CYP7B1: variants seen among roughly 807,000 people sequenced by gnomAD.
The protein encoded by CYP7B1 is cytochrome P450 7B1.
In CYP7B1, 29 loss-of-function variants were observed where a neutral mutation model predicts 42.7. That is an observed-to-expected ratio of 0.68 (90% CI 0.51 to 0.93). The LOEUF is 0.93. CYP7B1 is among the 40% of genes least tolerant of loss of function. The pLI, the probability that CYP7B1 is intolerant of heterozygous loss-of-function variation, is 0.00. For synonymous variants in CYP7B1, 235 were observed against 218.2 expected (o/e 1.08, Z -0.68); for missense variants, 655 against 600.5 (o/e 1.09, Z -0.95).
At position 64,593,235 on chromosome 8, in the gene CYP7B1, GTGTGTGTGTGTGTGTGTGTGTGT is replaced by G. The variant is rs1805064660; in HGVS notation, c.*3384_*3406del. The stretch of plus-strand genomic sequence containing the variant: ...TGGACTAAAGGCTAGGGCCCAGGGT[GTGTGTGTGTGTGTGTGTGTGTGT>G]GTGTGTGTGTGTGTGTGTGTGTGTG... On this transcript the variant is annotated 3_prime_UTR_variant, in exon 6 of 6. Coordinates refer to ENST00000310193, the MANE Select transcript of CYP7B1 (RefSeq NM_004820.5). Among the ~76,000 whole-genome samples, 2 of 51,666 alleles carry G rather than the reference GTGTGTGTGTGTGTGTGTGTGTGT, an allele frequency of 3.9e-5. No individual in the cohort carries two copies. Among genetic ancestry groups the G allele is most frequent in the Admixed American group, 4.2e-4 (2 of 4,718 alleles). 33.9% of individuals were successfully genotyped at this position (51,666 alleles called of 152,430 possible).
intron 1 of CYP7B1, among the ~76,000 whole-genome samples, chr8:64,634,783 C>T (rs1289203142): frequency 6.6e-6 from 1 of 151,980 alleles, no homozygotes; most frequent in African/African-American, 2.4e-5. Context: ...TGAGGACAAG[C>T]AGAACCTACC....
rs57590025 is a variant in CYP7B1 at position 64,593,232 on chromosome 8, G to GGTGTGT, written c.*3404_*3409dup. 6.5e-3 allele frequency among the ~76,000 whole-genome samples: 799 copies of GGTGTGT among 123,408 alleles called. 4 individuals carry two copies. Among genetic ancestry groups the GGTGTGT allele is most frequent in the South Asian group, 9.5e-3 (34 of 3,568 alleles). The allele number at this position is 123,408 out of a possible 152,430, so 81.0% of individuals were successfully genotyped here. A position where few individuals can be genotyped will look rare whatever the true frequency, so the allele number is the denominator to read the frequency against. Reference sequence around the variant, plus strand: ...TGGTGGACTAAAGGCTAGGGCCCAGGGTGTGTGTGTGTGTGTGTGTGTGTG... The same window carrying GGTGTGT: ...TGGTGGACTAAAGGCTAGGGCCCAGGGTGTGTGTGTGTGTGTGTGTGTGTGTGTGTG... On this transcript the variant is annotated 3_prime_UTR_variant, in exon 6 of 6. Coordinates refer to ENST00000310193, the MANE Select transcript of CYP7B1 (RefSeq NM_004820.5).
chr8:64,786,924 A>T (rs1247166937), intron 1 of CYP7B1, among the ~76,000 whole-genome samples: 1 of 152,256 alleles, frequency 6.6e-6, no homozygotes, highest in Non-Finnish European at 1.5e-5. Context: ...CACCACATGG[A>T]AGCTGCCAAA....
At chr8:64,624,630 G>T (rs1219221918) in intron 1 of CYP7B1, 91 bp from the exon 2 acceptor site, 1 of 1,429,226 alleles carries the variant, frequency 7.0e-7, no homozygotes, top group African/African-American at 1.4e-5. Context: ...AATCTAGAAG[G>T]TGACTGCATG....
In CYP7B1 at chr8:64,771,112, G is replaced by C. The variant is rs186876768; in HGVS notation, c.122+27354C>G. Among the ~76,000 whole-genome samples the C allele has an allele frequency of 6.5e-4, 82 of 125,580 alleles. 1 individual carries two copies. The highest frequency in any genetic ancestry group is 2.2e-3 in the African/African-American group (73 of 32,772). 82.4% of individuals were successfully genotyped at this position (125,580 alleles called of 152,430 possible). ...GGTCTTGCTCTGTCGCCAGGCTGGAGTGCAGTGGCACAATCTCAGCTCACT... is the reference window on the plus strand; with the variant it reads ...GGTCTTGCTCTGTCGCCAGGCTGGACTGCAGTGGCACAATCTCAGCTCACT... On this transcript the variant is annotated intron_variant, in intron 1 of 5. Transcript: ENST00000310193.
chr8:64,721,117 A>T (rs1028705368), intron 1 of CYP7B1, among the ~76,000 whole-genome samples: 4 of 152,114 alleles, frequency 2.6e-5, no homozygotes, highest in African/African-American at 9.6e-5. Context: ...TATAAAGTCA[A>T]TCTAAACTTT....
rs138206936 is a variant in CYP7B1 at position 64,594,040 on chromosome 8, A to C, written c.*2602T>G. 7.3e-5 allele frequency among the ~76,000 whole-genome samples: 11 copies of C among 151,638 alleles called. No homozygotes were observed. In the East Asian group the frequency reaches 2.2e-3, roughly 30 times the overall value. The stretch of plus-strand genomic sequence containing the variant: ...GAATGGAGAGGATTGGATGGATCTG[A>C]GGATGGGACATAACAAATTTAGAAC... On this transcript the variant is annotated 3_prime_UTR_variant, in exon 6 of 6. Coordinates refer to ENST00000310193, the MANE Select transcript of CYP7B1 (RefSeq NM_004820.5).
intron 1 of CYP7B1, among the ~76,000 whole-genome samples, chr8:64,642,340 C>A (rs750307107): frequency 2.6e-5 from 4 of 151,998 alleles, no homozygotes; most frequent in African/African-American, 9.7e-5. Context: ...ACTTTCTACC[C>A]AGGGTCCACC....
rs540578806 is a variant in CYP7B1 at position 64,665,559 on chromosome 8, G to GTTTTTTTT, written c.123-41028_123-41021dup. On this transcript the variant is annotated intron_variant, in intron 1 of 5. Transcript: ENST00000310193. ...ATTTTAAGTGTTTTTTTTTTTGGTGGTTTTTTTTTTTTTTTTTTTTTTTTT... is the reference window on the plus strand; with the variant it reads ...ATTTTAAGTGTTTTTTTTTTTGGTGGTTTTTTTTTTTTTTTTTTTTTTTTTTTTTTTTT... 2.7e-3 allele frequency among the ~76,000 whole-genome samples: 140 copies of GTTTTTTTT among 52,044 alleles called. 12 individuals carry two copies. The highest frequency in any genetic ancestry group is 3.5e-3 in the Non-Finnish European group (109 of 31,366). 34.1% of individuals were successfully genotyped at this position (52,044 alleles called of 152,430 possible).
intron 1 of CYP7B1, among the ~76,000 whole-genome samples, chr8:64,700,149 G>A (rs1237636380): frequency 1.3e-5 from 2 of 152,124 alleles, no homozygotes; most frequent in Admixed American, 6.6e-5. Flanking sequence ...AAGCACACAT[G>A]TGCAGAGTCA....
intron 1 of CYP7B1, among the ~76,000 whole-genome samples, chr8:64,785,477 A>G (rs972366860): frequency 1.3e-5 from 2 of 152,368 alleles, no homozygotes; most frequent in Non-Finnish European, 2.9e-5. Context: ...CATGTCTGTC[A>G]GTGAACAAAC....
In CYP7B1 at chr8:64,746,284, T is replaced by G. The variant is rs559979216; in HGVS notation, c.122+52182A>C. Among the ~76,000 whole-genome samples, 10 of 152,294 alleles carry G rather than the reference T, an allele frequency of 6.6e-5. No individual in the cohort carries two copies. The East Asian group carries it at 1.9e-3, about 29-fold the overall frequency. On this transcript the variant is annotated intron_variant, in intron 1 of 5. Coordinates refer to ENST00000310193, the MANE Select transcript of CYP7B1 (RefSeq NM_004820.5). ...CCCAAGCATTGATCTCCCAAGCTTC[T>G]GTTGTCTATTTAAAGGCAAGCCTTA...
downstream of CYP7B1, among the ~76,000 whole-genome samples, chr8:64,588,410 T>C (rs72656444): frequency 0.07 from 10,715 of 152,334 alleles, 512 homozygotes; most frequent in Admixed American, 0.1. Context: ...AAAGGATCCG[T>C]TATTTACAAA....
rs1805091822 is a variant in CYP7B1, at chr8:64,594,725, T to C, written c.*1917A>G. On this transcript the variant is annotated 3_prime_UTR_variant, in exon 6 of 6. Coordinates refer to ENST00000310193, the MANE Select transcript of CYP7B1 (RefSeq NM_004820.5). ...GTGGATGAGTTGGAGAGATTAGATA[T>C]ACTGTTCAAAGAAGAAACTGGAAGA... is the stretch of plus-strand genomic sequence containing the variant. Among the ~76,000 whole-genome samples the C allele has an allele frequency of 6.6e-6, 1 of 152,180 alleles. No homozygotes were observed. The highest frequency in any genetic ancestry group is 2.4e-5 in the African/African-American group (1 of 41,430).
At chr8:64,696,669 A>G (rs1384415730) in intron 1 of CYP7B1, among the ~76,000 whole-genome samples, 1 of 152,152 alleles carries the variant, frequency 6.6e-6, no homozygotes, top group Non-Finnish European at 1.5e-5. Flanking sequence ...TTGTGACTGT[A>G]AAGTATTTAG....
intron 1 of CYP7B1, among the ~76,000 whole-genome samples, chr8:64,676,990 C>T (rs890772584): frequency 3.9e-5 from 6 of 151,932 alleles, no homozygotes; most frequent in East Asian, 3.9e-4. Flanking sequence ...GCTGATGAAC[C>T]GACATTTGGG....
Position 64,700,531 on chromosome 8 carries a change from C to T in CYP7B1, c.123-75992G>A, listed in dbSNP as rs1231767935. Among the ~76,000 whole-genome samples the T allele has an allele frequency of 3.3e-5, 5 of 152,118 alleles. No individual in the cohort carries two copies. In the East Asian group the frequency reaches 9.6e-4, roughly 29 times the overall value. ...CAAAAAAGTAGGACAAGATCACTATCTCTTATTATAGGCAGAACTCAATAT... is the reference window on the plus strand; with the variant it reads ...CAAAAAAGTAGGACAAGATCACTATTTCTTATTATAGGCAGAACTCAATAT... On this transcript the variant is annotated intron_variant, in intron 1 of 5. Transcript: ENST00000310193.
chr8:64,626,551 A>C (rs1805613098), intron 1 of CYP7B1, among the ~76,000 whole-genome samples: 1 of 152,202 alleles, frequency 6.6e-6, no homozygotes, highest in South Asian at 2.1e-4. Context: ...GATTTGTTAA[A>C]TTTTACTAAT....
chr8:64,693,775 G>T (rs182799619), intron 1 of CYP7B1, among the ~76,000 whole-genome samples: 3 of 152,208 alleles, frequency 2.0e-5, no homozygotes, highest in African/African-American at 7.2e-5. Context: ...ATATACGTGT[G>T]TGTGTGTAAC....
Sources: allele counts gnomAD v4.1 joint callset (sites outside exome capture counted in the v4.1 genomes callset), GRCh38; gene constraint gnomAD v4.1.1; transcripts MANE v1.5; gene names NCBI Gene and HGNC (gene_info 2026-07-23, HGNC 2026-07-21).